The following OGG1 variants were observed in gnomAD, a reference collection of about 807,000 sequenced individuals.
The protein encoded by OGG1 is 8-oxoguanine DNA glycosylase, also known as N-glycosylase/DNA lyase.
In OGG1, 35 loss-of-function variants were observed where a neutral mutation model predicts 42.3. That is an observed-to-expected ratio of 0.83 (90% CI 0.63 to 1.10). The LOEUF (loss-of-function observed/expected upper bound fraction) is 1.10. Among genes scored for constraint, OGG1 ranks in the 50% least tolerant of loss-of-function variants. The probability of loss-of-function intolerance (pLI) is 0.00; values close to 1 mark genes in which losing one functional copy is unlikely to be tolerated. For missense variants in OGG1, 484 were observed against 446.7 expected (o/e 1.08, Z -0.75); for synonymous variants, 189 against 179.0 (o/e 1.06, Z -0.44).
intron 3 of OGG1, among the ~76,000 whole-genome samples, chr3:9,784,884 GA>G (rs1172223085): frequency 4.0e-5 from 6 of 150,470 alleles, no homozygotes; most frequent in African/African-American, 1.5e-4. Flanking sequence ...AAAAGAAAAA[GA>G]AAAAAAGAAA....
At chr3:9,757,982 G>T, downstream of OGG1, 1 of 1,426,104 alleles carries the variant, frequency 7.0e-7, no homozygotes, top group Non-Finnish European at 9.2e-7. This position sits in a 1 kb window ranked among gnomAD's most constrained non-coding sequence, Gnocchi z 4.5. Context: ...TTCCCCTAAA[G>T]CCCCCCAAAA....
chr3:9,756,925 G>A, intron 6 of OGG1, 109 bp downstream of exon 6: 22 of 1,611,914 alleles, frequency 1.4e-5, no homozygotes, highest in Non-Finnish European at 1.9e-5. Flanking sequence ...AGCCACCCCT[G>A]TCCCAACCCC....
downstream of OGG1, chr3:9,758,119 C>T: frequency 2.8e-6 from 1 of 353,024 alleles, no homozygotes; most frequent in South Asian, 4.5e-5. Flanking sequence ...AACACTATAG[C>T]ACTGTATGTC....
At chr3:9,751,735 G>T in intron 2 of OGG1, 35 bp from the exon 3 acceptor site, 1 of 1,609,880 alleles carries the variant, frequency 6.2e-7, no homozygotes, top group Non-Finnish European at 8.5e-7. Flanking sequence ...CCAACAGCAG[G>T]TACCTCTCCT....
chr3:9,760,597 A>G (rs2077810867), downstream of OGG1: 1 of 1,565,190 alleles, frequency 6.4e-7, no homozygotes, highest in Admixed American at 1.7e-5. Flanking sequence ...CCGCCCCCAA[A>G]GCAGGTGAGG....
intron 2 of OGG1, among the ~76,000 whole-genome samples, chr3:9,751,553 C>T (rs2077301983): frequency 6.6e-6 from 1 of 152,174 alleles, no homozygotes; most frequent in Non-Finnish European, 1.5e-5. Context: ...ATGGAGCTTA[C>T]ATTGTGGCCT....
At chr3:9,771,087 G>A (rs780672899), downstream of OGG1, among the ~76,000 whole-genome samples, 1 of 151,126 alleles carries the variant, frequency 6.6e-6, no homozygotes, top group Non-Finnish European at 1.5e-5. Flanking sequence ...GAGTGCAATG[G>A]CATGATCACG....
At chr3:9,759,487 C>G, downstream of OGG1, 1 of 1,614,190 alleles carries the variant, frequency 6.2e-7, no homozygotes, top group Non-Finnish European at 8.5e-7. Context: ...TATGGACTCA[C>G]CTTCCACTTG....
At chr3:9,759,787 A>G (rs746543515), downstream of OGG1, 1 of 1,614,046 alleles carries the variant, frequency 6.2e-7, no homozygotes, top group Non-Finnish European at 8.5e-7. Flanking sequence ...TAATGACAGC[A>G]TGGTACTGCC....
downstream of OGG1, chr3:9,788,302 GT>G (rs914263211): frequency 6.6e-6 from 1 of 152,260 alleles, no homozygotes; most frequent in African/African-American, 2.4e-5. Context: ...CTGGAGTGCA[GT>G]GGCACAATCT....
At chr3:9,789,896 A>G (rs1011618269), downstream of OGG1, 1 of 1,614,164 alleles carries the variant, frequency 6.2e-7, no homozygotes, top group Non-Finnish European at 8.5e-7. Context: ...GGGAGCTCCA[A>G]GTTCATGGTC....
At chr3:9,754,137 G>A (rs139437304) in intron 3 of OGG1, among the ~76,000 whole-genome samples, 378 of 152,206 alleles carry the variant, frequency 2.5e-3, no homozygotes, top group African/African-American at 8.5e-3. Flanking sequence ...AAGACCCTGT[G>A]TCAAAAAAAG....
chr3:9,756,798 T>A lies in OGG1; in HGVS notation c.930T>A (p.Tyr310Ter), dbSNP rs1483563209. The A allele has an allele frequency of 1.2e-6, 2 of 1,614,104 alleles. No individual in the cohort carries two copies. The highest frequency in any genetic ancestry group is 2.2e-5 in the South Asian group (2 of 91,072). Residue 310 changes from tyrosine (Y) to a stop codon, truncating the protein, a stop_gained, in exon 6 of 7, where the codon TAT becomes TAA. Coordinates refer to ENST00000344629, the MANE Select transcript of OGG1 (RefSeq NM_002542.6). LOFTEE classifies it high-confidence loss of function. Reference sequence around the variant, plus strand: ...TTTTCCGGAGCCTGTGGGGACCTTATGCTGGCTGGGCCCAAGCGGTGAGTG... The same window carrying A: ...TTTTCCGGAGCCTGTGGGGACCTTAAGCTGGCTGGGCCCAAGCGGTGAGTG... ...GNFFRSLWGP[Y>*]AGWAQAVLFS...
chr3:9,772,417 T>G lies in OGG1; in HGVS notation c.295-9096T>G, dbSNP rs577044519. Among the ~76,000 whole-genome samples the G allele has an allele frequency of 9.9e-5, 15 of 152,272 alleles. No individual in the cohort carries two copies. In the East Asian group the frequency reaches 1.9e-3, roughly 20 times the overall value. On this transcript the variant is annotated intron_variant, in intron 2 of 3. Coordinates refer to the OGG1 transcript ENST00000426518. The stretch of plus-strand genomic sequence containing the variant: ...AGATTGCAGGAAAAACACCAGAGAT[T>G]AGGGGCTTGGAGACTGGAACTGGAG...
rs577638487 is a variant in OGG1 at position 9,763,078 on chromosome 3, GC to G, written c.1049-2730del. The G allele has an allele frequency of 4.6e-5, 74 of 1,614,122 alleles. No homozygotes were observed. The African/African-American group carries it at 8.4e-4, about 18-fold the overall frequency. ...CTGCAGCAGGGGATAGGGCAGTCTG[GC>G]AAAGAGGGTTGGGACAGCTGGGAGA... On this transcript the variant is annotated intron_variant, in intron 7 of 7. Coordinates refer to the OGG1 transcript ENST00000302008.
chr3:9,753,507 A>G (rs1477479697), intron 3 of OGG1, among the ~76,000 whole-genome samples: 5 of 151,870 alleles, frequency 3.3e-5, no homozygotes, highest in South Asian at 2.1e-4. Context: ...AAAAAAAATT[A>G]GCCGGGTGTG....
At chr3:9,790,191 T>C (rs1315155450), downstream of OGG1, among the ~76,000 whole-genome samples, 2 of 152,340 alleles carry the variant, frequency 1.3e-5, no homozygotes, top group Admixed American at 6.5e-5. Context: ...CACTTGTTCA[T>C]CTATACTGAT....
chr3:9,767,659 G>A, downstream of OGG1: 2 of 1,613,912 alleles, frequency 1.2e-6, no homozygotes, highest in South Asian at 1.1e-5. Context: ...ATCCTGCCCT[G>A]GACTCACGTG....
chr3:9,779,519 G>C (rs974850962), intron 2 of OGG1, among the ~76,000 whole-genome samples: 1 of 151,886 alleles, frequency 6.6e-6, no homozygotes, highest in Non-Finnish European at 1.5e-5. Context: ...CCTTGGGGGA[G>C]GGGGGAGGGA....
Sources: allele counts gnomAD v4.1 joint callset (sites outside exome capture counted in the v4.1 genomes callset), GRCh38; gene constraint gnomAD v4.1.1; non-coding constraint Gnocchi (gnomAD v3.1); transcripts MANE v1.5; gene names NCBI Gene and HGNC (gene_info 2026-07-23, HGNC 2026-07-21).